The following DGKB variants were observed in gnomAD, a reference collection of about 807,000 sequenced individuals.
DGKB encodes diacylglycerol kinase beta.
DGKB carries 67 observed loss-of-function variants against 114.3 expected under a neutral mutation model. The ratio of observed to expected loss-of-function variants is 0.59; its 90% CI spans 0.48 to 0.72. DGKB has a LOEUF of 0.72. Ranked by LOEUF, DGKB falls within the 30% of genes least tolerant of loss-of-function variation. The pLI, the probability that DGKB is intolerant of heterozygous loss-of-function variation, is 0.00. For synonymous variants in DGKB, 398 were observed against 323.1 expected (o/e 1.23, Z -2.49); for missense variants, 907 against 975.2 (o/e 0.93, Z 0.93).
chr7:14,540,445 A>C (rs1011414426), intron 20 of DGKB, among the ~76,000 whole-genome samples: 7 of 152,126 alleles, frequency 4.6e-5, no homozygotes, highest in African/African-American at 1.7e-4. Context: ...GGGATGTCTA[A>C]CCTAAAAAGC....
At chr7:14,377,013 G>T (rs1008017441) in intron 21 of DGKB, among the ~76,000 whole-genome samples, 1 of 152,316 alleles carries the variant, frequency 6.6e-6, no homozygotes, top group Non-Finnish European at 1.5e-5. Flanking sequence ...TCTTGGAAAT[G>T]TGAGTATAAT....
chr7:14,414,466 A>AC (rs370458449), intron 21 of DGKB, among the ~76,000 whole-genome samples: 18 of 152,288 alleles, frequency 1.2e-4, no homozygotes, highest in African/African-American at 4.3e-4. Context: ...GAAGCCAGGC[A>AC]CCGGGTTTGG....
chr7:14,595,699 CAT>C (rs1429500310), intron 17 of DGKB, among the ~76,000 whole-genome samples: 14 of 151,580 alleles, frequency 9.2e-5, no homozygotes, highest in African/African-American at 3.1e-4. Context: ...TTTCAAATAA[CAT>C]AGTTTTATAA....
chr7:14,501,131 T>C (rs1171764609), intron 20 of DGKB, among the ~76,000 whole-genome samples: 1 of 151,850 alleles, frequency 6.6e-6, no homozygotes, highest in African/African-American at 2.4e-5. Context: ...TCAAATCCAG[T>C]GTACTACCAA....
At chr7:14,718,495 C>A in intron 6 of DGKB, 47 bp downstream of exon 6, 3 of 1,557,866 alleles carry the variant, frequency 1.9e-6, no homozygotes, top group Non-Finnish European at 2.6e-6. Context: ...CCAGTCCTTT[C>A]TCCTGCCCCC....
intron 23 of DGKB, among the ~76,000 whole-genome samples, chr7:14,312,609 C>A (rs1805595104): frequency 6.6e-6 from 1 of 152,126 alleles, no homozygotes; most frequent in South Asian, 2.1e-4. Flanking sequence ...TGCTGCATAA[C>A]AAACTGTGAT....
intron 23 of DGKB, among the ~76,000 whole-genome samples, chr7:14,241,372 C>G (rs1376856499): frequency 6.6e-6 from 1 of 151,878 alleles, no homozygotes; most frequent in African/African-American, 2.4e-5. Flanking sequence ...CTGTTTTGAC[C>G]AGGCAAAGAA....
In DGKB at chr7:14,481,595, TTAGAA is replaced by T. The variant is rs1563285576; in HGVS notation, c.1771-3375_1771-3371del. Among the ~76,000 whole-genome samples, 6 of 152,108 alleles carry T rather than the reference TTAGAA, an allele frequency of 3.9e-5. No individual in the cohort carries two copies. In the South Asian group the frequency reaches 1.2e-3, roughly 32 times the overall value. On this transcript the variant is annotated intron_variant, in intron 20 of 25. Coordinates refer to ENST00000402815, the MANE Select transcript of DGKB (RefSeq NM_001350709.2). ...AATATCTTTTCAATTTTTTTCCATT[TTAGAA>T]TAGAATATAAATTTAGCCAATTAGA...
intron 1 of DGKB, among the ~76,000 whole-genome samples, chr7:14,850,761 C>G (rs757821525): frequency 8.5e-5 from 13 of 152,134 alleles, no homozygotes; most frequent in Non-Finnish European, 1.6e-4. Context: ...TTGCATATTA[C>G]TATTCATTAA....
chr7:14,883,809 A>G (rs1854606403), intron 1 of DGKB, among the ~76,000 whole-genome samples: 1 of 152,048 alleles, frequency 6.6e-6, no homozygotes, highest in Non-Finnish European at 1.5e-5. Context: ...CAAATGCTGT[A>G]GTGAAAGAAG....
At chr7:14,671,090 T>C (rs1818885827) in intron 13 of DGKB, among the ~76,000 whole-genome samples, 1 of 152,178 alleles carries the variant, frequency 6.6e-6, no homozygotes, top group African/African-American at 2.4e-5. Flanking sequence ...GAATTTAGGA[T>C]AATGAGCTGA....
intron 23 of DGKB, among the ~76,000 whole-genome samples, chr7:14,257,149 T>A (rs1796071731): frequency 6.6e-6 from 1 of 152,134 alleles, no homozygotes; most frequent in Non-Finnish European, 1.5e-5. Flanking sequence ...GGTGACAGAT[T>A]TTTTATTCTG....
chr7:14,412,630 A>G (rs1204779263), intron 21 of DGKB, among the ~76,000 whole-genome samples: 5 of 152,154 alleles, frequency 3.3e-5, no homozygotes, highest in Non-Finnish European at 5.9e-5. Context: ...TATAAGAAAA[A>G]TGATCAGAGA....
chr7:14,750,237 G>T (rs567748358), intron 4 of DGKB: 72 of 485,124 alleles, frequency 1.5e-4, no homozygotes, highest in Non-Finnish European at 2.9e-4. Flanking sequence ...AACAGATTTT[G>T]CAATATTAAC....
intron 1 of DGKB, among the ~76,000 whole-genome samples, chr7:14,877,411 C>G (rs973319489): frequency 6.6e-6 from 1 of 152,082 alleles, no homozygotes; most frequent in Admixed American, 6.5e-5. Context: ...AAAAATTAGC[C>G]AAGTGTTGTG....
At chr7:14,573,188 C>A (rs1424333928) in intron 20 of DGKB, among the ~76,000 whole-genome samples, 2 of 152,132 alleles carry the variant, frequency 1.3e-5, no homozygotes, top group Non-Finnish European at 2.9e-5. Context: ...TGGATCAAGA[C>A]ACATTGCATT....
chr7:14,936,529 T>A (rs1785278494), intron 1 of DGKB, among the ~76,000 whole-genome samples: 1 of 152,160 alleles, frequency 6.6e-6, no homozygotes, highest in South Asian at 2.1e-4. Context: ...CTTAAATGTC[T>A]CAAATGCCTT....
chr7:14,956,724 TGAG>T (rs1233535219), intron 1 of DGKB, among the ~76,000 whole-genome samples: 5 of 151,902 alleles, frequency 3.3e-5, no homozygotes, highest in Non-Finnish European at 5.9e-5. Flanking sequence ...TACAGGCACT[TGAG>T]GAGAAGAAGA....
At chr7:14,748,181 G>A (rs903176184) in intron 4 of DGKB, among the ~76,000 whole-genome samples, 17 of 152,242 alleles carry the variant, frequency 1.1e-4, no homozygotes, top group African/African-American at 3.9e-4. Flanking sequence ...TGTTCTAGGT[G>A]TTTGGGTAAA....
Sources: gnomAD v4.1 joint callset for allele counts (sites outside exome capture counted in the v4.1 genomes callset) on GRCh38, gnomAD v4.1.1 for gene constraint, MANE v1.5 for transcripts, NCBI Gene and HGNC (gene_info 2026-07-23, HGNC 2026-07-21) for gene names.